The following PRCD variants were observed in gnomAD, a reference collection of about 807,000 sequenced individuals.
The protein encoded by PRCD is photoreceptor disk component PRCD.
In PRCD, 12 loss-of-function variants were observed where a neutral mutation model predicts 10.1. The observed-to-expected ratio is 1.18, with a 90% confidence interval of 0.76 to 1.92. PRCD has a LOEUF of 1.92. Ranked by LOEUF, PRCD falls within the 40% of genes most tolerant of loss-of-function variation. The pLI, the probability that PRCD is intolerant of heterozygous loss-of-function variation, is 0.00. For missense variants in PRCD, 61 were observed against 72.2 expected, an observed-to-expected ratio of 0.84 and a Z score of 0.56; for synonymous variants, 31 against 26.2, an observed-to-expected ratio of 1.18 and a Z score of -0.56.
chr17:76,527,701 G>C (rs573805475), upstream of PRCD: 2 of 453,898 alleles, frequency 4.4e-6, no homozygotes, highest in Non-Finnish European at 8.8e-6. Context: ...CCAGCAGCCC[G>C]GATCCCCCGG....
Position 76,542,063 on chromosome 17 carries a change from G to C in PRCD, c.144-490G>C, listed in dbSNP as rs182318259. ...GCAGGACATGTGTTTTTAATCTTTG[G>C]TTAATGGTTGTGGAAACTGAGGGAC... On this transcript the variant is annotated intron_variant, in intron 2 of 4. Transcript: ENST00000592014. Among the ~76,000 whole-genome samples the C allele has an allele frequency of 3.2e-3, 480 of 152,294 alleles. 1 individual carries two copies. Among genetic ancestry groups the C allele is most frequent in the Non-Finnish European group, 5.4e-3 (369 of 68,032 alleles).
At chr17:76,536,366 G>T (rs2143115557), upstream of PRCD, among the ~76,000 whole-genome samples, 1 of 152,284 alleles carries the variant, frequency 6.6e-6, no homozygotes, top group African/African-American at 2.4e-5. Context: ...TGCCCTTCCA[G>T]AGCGAGGCTT....
downstream of PRCD, among the ~76,000 whole-genome samples, chr17:76,548,279 TACAC>T (rs2075075916): frequency 1.3e-5 from 2 of 152,204 alleles, no homozygotes; most frequent in Non-Finnish European, 2.9e-5. Context: ...TAAACATACA[TACAC>T]ACAGAGAGAC....
chr17:76,538,324 T>G (rs577496587), upstream of PRCD: 23 of 304,700 alleles, frequency 7.5e-5, no homozygotes, highest in South Asian at 5.3e-4. Flanking sequence ...CTCTGGGGGG[T>G]TAGCACGGGG....
At chr17:76,532,530 CTTT>C (rs111936272) in intron 1 of PRCD, among the ~76,000 whole-genome samples, 4 of 125,700 alleles carry the variant, frequency 3.2e-5, no homozygotes, top group Admixed American at 8.2e-5. Flanking sequence ...ATGACAATGG[CTTT>C]TTTTTTTTTT....
upstream of PRCD, among the ~76,000 whole-genome samples, chr17:76,539,384 A>G (rs1164338401): frequency 1.3e-5 from 2 of 152,248 alleles, no homozygotes; most frequent in East Asian, 1.9e-4. Flanking sequence ...AGTCTAGCAT[A>G]TAATTTGTAA....
Position 76,545,088 on chromosome 17 carries a change from C to A in PRCD, c.*1438C>A, listed in dbSNP as rs1172190828. The A allele has an allele frequency of 2.2e-6, 1 of 454,018 alleles. No homozygotes were observed. The highest frequency in any genetic ancestry group is 2.4e-5 in the Admixed American group (1 of 42,550). The allele number at this position is 454,018 out of a possible 1,614,324, so 28.1% of individuals were successfully genotyped here. ...GGGGCTGTCTCCCCCAGGGAGCAGG[C>A]TGGCTTTGGTGGGAGCAGATTGTGT... is the stretch of plus-strand genomic sequence containing the variant. On this transcript the variant is annotated 3_prime_UTR_variant, in exon 5 of 5. Coordinates refer to ENST00000592014, the MANE Select transcript of PRCD (RefSeq NM_001077620.3).
Position 76,544,262 on chromosome 17 carries a change from C to G in PRCD, c.*612C>G, listed in dbSNP as rs1232831032. The stretch of plus-strand genomic sequence containing the variant: ...CCCCCTCCCAGCCCAGCGGCGATGT[C>G]TCTGCCTGGCTGGCCCGTGCCCTTG... On this transcript the variant is annotated 3_prime_UTR_variant, in exon 5 of 5. Transcript: ENST00000592014. 2 of 454,568 alleles carry G rather than the reference C, an allele frequency of 4.4e-6. No individual in the cohort carries two copies. The highest frequency in any genetic ancestry group is 3.1e-5 in the South Asian group (2 of 64,482). The allele number at this position is 454,568 out of a possible 1,614,324, so 28.2% of individuals were successfully genotyped here.
chr17:76,533,309 C>T lies in PRCD; in HGVS notation n.45+5476C>T, dbSNP rs1025685065. Reference sequence around the variant, plus strand: ...GATACACGGGTGAGGACACGTGAGGCGACGGGTCTGAAAATACATTGAATT... The same window carrying T: ...GATACACGGGTGAGGACACGTGAGGTGACGGGTCTGAAAATACATTGAATT... On this transcript the variant is annotated intron_variant and non_coding_transcript_variant, in intron 1 of 4. Transcript: ENST00000397633. The surrounding 1 kb of genome is among the most constrained non-coding windows in gnomAD (Gnocchi z 4.5). Among the ~76,000 whole-genome samples the T allele has an allele frequency of 3.3e-5, 5 of 152,114 alleles. No homozygotes were observed. Among genetic ancestry groups the T allele is most frequent in the African/African-American group, 9.7e-5 (4 of 41,394 alleles).
chr17:76,551,773 T>G (rs997694689), intron 1 of PRCD: 14 of 152,100 alleles, frequency 9.2e-5, no homozygotes, highest in African/African-American at 3.4e-4. Flanking sequence ...ATAGCGTAAT[T>G]TTTTTAGGAA....
At chr17:76,543,524 AAC>A (rs1567912669) in intron 4 of PRCD, 2 of 349,348 alleles carry the variant, frequency 5.7e-6, no homozygotes, top group Admixed American at 3.8e-5. Context: ...TAAATGGGGA[AAC>A]ACAGAGACAG....
upstream of PRCD, chr17:76,539,985 C>T: frequency 2.7e-6 from 2 of 734,188 alleles, no homozygotes; most frequent in Non-Finnish European, 4.6e-6. Context: ...AAGGTCGGGG[C>T]CGCTGACCCA....
At chr17:76,545,421 C>T (rs539142458), downstream of PRCD, 111 of 455,570 alleles carry the variant, frequency 2.4e-4, no homozygotes, top group Admixed American at 7.0e-4. Context: ...TTGCAAAGAG[C>T]CGCTGCTTGG....
intron 4 of PRCD, chr17:76,543,525 A>G (rs2075016744): frequency 1.4e-5 from 5 of 348,820 alleles, no homozygotes; most frequent in South Asian, 8.8e-5. Context: ...AAATGGGGAA[A>G]CACAGAGACA....
chr17:76,535,597 C>T (rs1236517126), upstream of PRCD, among the ~76,000 whole-genome samples: 1 of 152,158 alleles, frequency 6.6e-6, no homozygotes. Context: ...AGGGGTTACT[C>T]TGGGCACTGA....
At chr17:76,537,505 C>T, upstream of PRCD, 3 of 1,578,824 alleles carry the variant, frequency 1.9e-6, no homozygotes, top group Non-Finnish European at 2.6e-6. Context: ...GCTCCGCTCC[C>T]TGCGCTCGAT....
intron 1 of PRCD, chr17:76,527,867 C>A (rs1438017002): frequency 1.6e-5 from 7 of 446,818 alleles, no homozygotes; most frequent in Non-Finnish European, 2.7e-5. Flanking sequence ...TAGGGGGAGC[C>A]CACTCCTTTC....
At chr17:76,552,026 T>C (rs888863075) in intron 1 of PRCD, 2 of 152,174 alleles carry the variant, frequency 1.3e-5, no homozygotes, top group African/African-American at 2.4e-5. Flanking sequence ...ATAGCTGTTA[T>C]GATTTCCGGA....
At chr17:76,529,659 G>A (rs1474021884) in intron 1 of PRCD, 3 of 985,254 alleles carry the variant, frequency 3.0e-6, no homozygotes, top group Non-Finnish European at 3.6e-6. Flanking sequence ...GGGAGGGCAG[G>A]CAAGCCCCCT....
Sources: allele counts gnomAD v4.1 joint callset (sites outside exome capture counted in the v4.1 genomes callset), GRCh38; gene constraint gnomAD v4.1.1; non-coding constraint Gnocchi (gnomAD v3.1); transcripts MANE v1.5; gene names NCBI Gene and HGNC (gene_info 2026-07-23, HGNC 2026-07-21).